INSC: variants seen among roughly 807,000 people sequenced by gnomAD.
The protein encoded by INSC is INSC spindle orientation adaptor protein.
INSC carries 67 observed loss-of-function variants against 58.6 expected under a neutral mutation model. The ratio of observed to expected loss-of-function variants is 1.14; its 90% CI spans 0.94 to 1.40. INSC has a LOEUF of 1.40. Ranked by LOEUF, INSC falls within the 40% of genes most tolerant of loss-of-function variation. INSC has a pLI of 0.00. For missense variants in INSC, 714 were observed against 692.0 expected (o/e 1.03, Z -0.36); for synonymous variants, 262 against 276.1 (o/e 0.95, Z 0.51).
At chr11:15,268,855 T>A in the INSC span, among the ~76,000 whole-genome samples, 5 of 152,236 alleles carry the variant, frequency 3.3e-5, no homozygotes, top group African/African-American at 1.2e-4. Flanking sequence ...CATAAGACTA[T>A]ATGGATACTA....
At chr11:15,206,931 C>T (rs1351262053) in intron 7 of INSC, among the ~76,000 whole-genome samples, 1 of 152,176 alleles carries the variant, frequency 6.6e-6, no homozygotes, top group Non-Finnish European at 1.5e-5. Context: ...CTGGGGAAAA[C>T]TTCACATTGC....
intron 9 of INSC, among the ~76,000 whole-genome samples, chr11:15,231,498 G>T (rs933085468): frequency 6.6e-6 from 1 of 152,252 alleles, no homozygotes; most frequent in Admixed American, 6.5e-5. Flanking sequence ...CATGTGGCCT[G>T]TAGGTCATGG....
intron 7 of INSC, among the ~76,000 whole-genome samples, chr11:15,217,584 G>A (rs1851267878): frequency 6.6e-6 from 1 of 152,146 alleles, no homozygotes; most frequent in African/African-American, 2.4e-5. Flanking sequence ...GCTGGGCTGT[G>A]CAAGAGCTGC....
the INSC span, among the ~76,000 whole-genome samples, chr11:15,252,241 T>G: frequency 6.6e-6 from 1 of 151,990 alleles, no homozygotes. Flanking sequence ...GAATGGGGAG[T>G]AACTGCTAAT....
the INSC span, among the ~76,000 whole-genome samples, chr11:15,267,709 A>C: frequency 6.6e-6 from 1 of 151,938 alleles, no homozygotes; most frequent in Non-Finnish European, 1.5e-5. Context: ...GTTCTATGCT[A>C]ATTCAATCTT....
chr11:15,216,383 C>G (rs895774830), intron 7 of INSC, among the ~76,000 whole-genome samples: 1 of 152,112 alleles, frequency 6.6e-6, no homozygotes. Context: ...TATGATTTCT[C>G]TCTCCCCTCT....
At chr11:15,120,647 T>C (rs893111818) in intron 1 of INSC, among the ~76,000 whole-genome samples, 7 of 152,162 alleles carry the variant, frequency 4.6e-5, no homozygotes, top group African/African-American at 1.7e-4. Flanking sequence ...GGGGATGAGA[T>C]GGAAGATGTT....
chr11:15,266,787 T>C, the INSC span, among the ~76,000 whole-genome samples: 1 of 151,998 alleles, frequency 6.6e-6, no homozygotes, highest in African/African-American at 2.4e-5. Context: ...AGTTCCAATT[T>C]TAACATCCAA....
In INSC at chr11:15,178,563, C is replaced by T. The variant is rs147509400; in HGVS notation, c.579+116C>T. Reference sequence around the variant, plus strand: ...TACTGATGTGGACTTTATTGGGAAACATCTTACTCAAACCACCAAAGTCAA... The same window carrying T: ...TACTGATGTGGACTTTATTGGGAAATATCTTACTCAAACCACCAAAGTCAA... On this transcript the variant is annotated intron_variant, in intron 5 of 12. Transcript: ENST00000379556. The T allele has an allele frequency of 1.6e-3, 2,030 of 1,260,830 alleles. 24 individuals are homozygous for T. The African/African-American group carries it at 0.027, about 17-fold the overall frequency. The allele number at this position is 1,260,830 out of a possible 1,614,324, so 78.1% of individuals were successfully genotyped here. A position where few individuals can be genotyped will look rare whatever the true frequency, so the allele number is the denominator to read the frequency against.
chr11:15,190,623 C>T (rs1850129391), intron 5 of INSC, 78 bp from the exon 6 acceptor site: 8 of 949,218 alleles, frequency 8.4e-6, no homozygotes, highest in South Asian at 2.6e-5. Flanking sequence ...GGAGCATGGG[C>T]CCACTGGTGT....
chr11:15,145,886 G>T (rs1232336112), intron 1 of INSC, among the ~76,000 whole-genome samples: 2 of 152,134 alleles, frequency 1.3e-5, no homozygotes, highest in Non-Finnish European at 2.9e-5. Flanking sequence ...GGGGTTGGGT[G>T]TTGCCATTCG....
At chr11:15,112,229 A>G (rs1847586256), upstream of INSC, among the ~76,000 whole-genome samples, 1 of 152,208 alleles carries the variant, frequency 6.6e-6, no homozygotes, top group Admixed American at 6.5e-5. Flanking sequence ...TCCATTAAGA[A>G]TTAAGCAGGA....
Position 15,175,776 on chromosome 11 carries a change from G to T in INSC, c.92G>T (p.Trp31Leu), listed in dbSNP as rs1407757577. 1 of 1,593,968 alleles carries T rather than the reference G, an allele frequency of 6.3e-7. No homozygotes were observed. Among genetic ancestry groups the T allele is most frequent in the Admixed American group, 1.7e-5 (1 of 59,540 alleles). Residue 31 changes from tryptophan to leucine, a missense_variant, in exon 3 of 13, where the codon TGG (tryptophan) becomes TTG (leucine). Transcript: ENST00000379556. ...HLMQVDSVQR[W>L]MEDLKLMTEC... Reference sequence around the variant, plus strand: ...ATGCAGGTGGACTCAGTCCAGCGCTGGATGGAAGATCTGAAGCTCATGACC... The same window carrying T: ...ATGCAGGTGGACTCAGTCCAGCGCTTGATGGAAGATCTGAAGCTCATGACC...
chr11:15,181,554 G>A (rs542717913), intron 5 of INSC, among the ~76,000 whole-genome samples: 26 of 152,262 alleles, frequency 1.7e-4, no homozygotes, highest in Admixed American at 1.7e-3. Context: ...AAGAAACCCA[G>A]CTCCCCACAC....
the INSC span, among the ~76,000 whole-genome samples, chr11:15,256,842 C>T: frequency 2.6e-5 from 4 of 152,060 alleles, no homozygotes; most frequent in Non-Finnish European, 5.9e-5. Flanking sequence ...GGCTTGGTCT[C>T]CTCCCCAAAG....
At chr11:15,183,373 A>G (rs1368576030) in intron 5 of INSC, among the ~76,000 whole-genome samples, 1 of 149,656 alleles carries the variant, frequency 6.7e-6, no homozygotes, top group East Asian at 1.9e-4. Flanking sequence ...AAAAAAAACC[A>G]GAAAAAAATA....
At chr11:15,252,234 T>C in the INSC span, among the ~76,000 whole-genome samples, 1 of 152,058 alleles carries the variant, frequency 6.6e-6, no homozygotes, top group East Asian at 1.9e-4. Flanking sequence ...GGAGGAGGAA[T>C]GGGGAGTAAC....
Position 15,141,365 on chromosome 11 carries a change from G to C in INSC, c.-45-7765G>C, listed in dbSNP as rs967850613. ...AACTATTTTGGCTCCAGAATTGAGG[G>C]GCGGAACAAAGGTCTGGGTGGGGCC... On this transcript the variant is annotated intron_variant, in intron 1 of 12. Transcript: ENST00000379556. Among the ~76,000 whole-genome samples, 12 of 152,156 alleles carry C rather than the reference G, an allele frequency of 7.9e-5. 1 individual carries two copies.
chr11:15,186,930 A>C (rs1048433713), intron 5 of INSC, among the ~76,000 whole-genome samples: 3 of 152,154 alleles, frequency 2.0e-5, no homozygotes, highest in African/African-American at 7.2e-5. Flanking sequence ...AGGGTCAGTA[A>C]TTTGGACAGG....
Sources: allele counts gnomAD v4.1 joint callset (sites outside exome capture counted in the v4.1 genomes callset), GRCh38; gene constraint gnomAD v4.1.1; transcripts MANE v1.5; gene names NCBI Gene and HGNC (gene_info 2026-07-23, HGNC 2026-07-21).